AFG2A: variants seen among roughly 807,000 people sequenced by gnomAD.
AFG2A encodes ATPase family gene 2 protein homolog A.
At chr4:123,032,209 C>T in the AFG2A span, among the ~76,000 whole-genome samples, 1 of 152,128 alleles carries the variant, frequency 6.6e-6, no homozygotes, top group African/African-American at 2.4e-5. Context: ...CTTCTCTATA[C>T]TTGTCTCAGA....
the AFG2A span, among the ~76,000 whole-genome samples, chr4:123,132,343 GT>G: frequency 6.6e-6 from 1 of 152,016 alleles, no homozygotes; most frequent in African/African-American, 2.4e-5. Flanking sequence ...GAGTTCAGCT[GT>G]TTTTTAGATT....
chr4:123,189,882 A>G, the AFG2A span, among the ~76,000 whole-genome samples: 1 of 129,588 alleles, frequency 7.7e-6, no homozygotes, highest in South Asian at 2.3e-4. Flanking sequence ...TGGCAAGATC[A>G]TGGCTCACTG....
At chr4:122,950,030 G>A in the AFG2A span, among the ~76,000 whole-genome samples, 1 of 152,204 alleles carries the variant, frequency 6.6e-6, no homozygotes, top group South Asian at 2.1e-4. Flanking sequence ...CCAGGTTGGG[G>A]GCAAAGGTCT....
chr4:123,180,624 T>G, the AFG2A span, among the ~76,000 whole-genome samples: 3 of 152,186 alleles, frequency 2.0e-5, no homozygotes, highest in African/African-American at 7.2e-5. Flanking sequence ...TTGACATGAT[T>G]CTAAATCAGA....
chr4:123,143,966 A>G, the AFG2A span, among the ~76,000 whole-genome samples: 1 of 151,676 alleles, frequency 6.6e-6, no homozygotes, highest in Non-Finnish European at 1.5e-5. Flanking sequence ...TAATGTTTTC[A>G]TCGTAATGCT....
At chr4:123,269,857 G>A in the AFG2A span, among the ~76,000 whole-genome samples, 3 of 152,124 alleles carry the variant, frequency 2.0e-5, no homozygotes, top group African/African-American at 7.2e-5. Flanking sequence ...TCGCTCTGTC[G>A]CCAAGCTGGA....
chr4:123,033,160 G>A, the AFG2A span, among the ~76,000 whole-genome samples: 2 of 152,130 alleles, frequency 1.3e-5, no homozygotes. Flanking sequence ...ATGGGAAGCT[G>A]CATAGCTCTT....
At chr4:123,148,989 G>A in the AFG2A span, among the ~76,000 whole-genome samples, 1 of 151,176 alleles carries the variant, frequency 6.6e-6, no homozygotes, top group Non-Finnish European at 1.5e-5. Context: ...GGCTGGTCTC[G>A]AATTCCTGAC....
chr4:123,113,479 G>C, the AFG2A span, among the ~76,000 whole-genome samples: 1 of 151,848 alleles, frequency 6.6e-6, no homozygotes, highest in Non-Finnish European at 1.5e-5. Context: ...GTATGCTGCA[G>C]CGTCATATCC....
At chr4:123,012,631 C>T in the AFG2A span, among the ~76,000 whole-genome samples, 307 of 152,260 alleles carry the variant, frequency 2.0e-3, 1 homozygote, top group East Asian at 3.1e-3. Context: ...CTGTGACCGG[C>T]GCTGGAGTTT....
chr4:123,185,439 A>T, the AFG2A span, among the ~76,000 whole-genome samples: 1 of 152,042 alleles, frequency 6.6e-6, no homozygotes, highest in Non-Finnish European at 1.5e-5. Context: ...ACTCTGTGAG[A>T]GTCTAAGTAT....
chr4:123,021,660 T>C, the AFG2A span, among the ~76,000 whole-genome samples: 1 of 152,278 alleles, frequency 6.6e-6, no homozygotes, highest in African/African-American at 2.4e-5. Flanking sequence ...CATTTTCTTA[T>C]ATTTCTTCCT....
chr4:123,192,332 G>A, the AFG2A span, among the ~76,000 whole-genome samples: 5 of 152,086 alleles, frequency 3.3e-5, no homozygotes, highest in Non-Finnish European at 5.9e-5. Flanking sequence ...TGCTAAAATC[G>A]TATTTTATTT....
chr4:123,055,753 T>A, the AFG2A span, among the ~76,000 whole-genome samples: 3 of 152,212 alleles, frequency 2.0e-5, no homozygotes, highest in Non-Finnish European at 4.4e-5. Context: ...CACATGTCTC[T>A]TGTTCTTCGG....
At chr4:123,078,388 G>A in the AFG2A span, among the ~76,000 whole-genome samples, 1 of 152,094 alleles carries the variant, frequency 6.6e-6, no homozygotes, top group East Asian at 1.9e-4. Context: ...TAGTATTAGC[G>A]TGTTTGTGAA....
At chr4:123,222,674 G>A in the AFG2A span, among the ~76,000 whole-genome samples, 2 of 152,128 alleles carry the variant, frequency 1.3e-5, no homozygotes, top group South Asian at 2.1e-4. Flanking sequence ...CATTATGCCT[G>A]TTGATTAGTA....
the AFG2A span, among the ~76,000 whole-genome samples, chr4:123,008,257 T>C: frequency 6.6e-6 from 1 of 152,156 alleles, no homozygotes; most frequent in African/African-American, 2.4e-5. Context: ...GATGCCAGGC[T>C]CTTTTCAGTC....
chr4:123,294,637 T>C, the AFG2A span, among the ~76,000 whole-genome samples: 7 of 152,214 alleles, frequency 4.6e-5, no homozygotes, highest in African/African-American at 1.4e-4. Context: ...CACTATACTC[T>C]GAAACACTGA....
the AFG2A span, among the ~76,000 whole-genome samples, chr4:123,205,411 C>T: frequency 1.2e-4 from 18 of 151,220 alleles, no homozygotes; most frequent in African/African-American, 4.4e-4. Flanking sequence ...GTTTCAAATC[C>T]GTGGATTCAA....
Sources: gnomAD v4.1 joint callset for allele counts (sites outside exome capture counted in the v4.1 genomes callset) on GRCh38, gnomAD v4.1.1 for gene constraint, MANE v1.5 for transcripts, NCBI Gene and HGNC (gene_info 2026-07-23, HGNC 2026-07-21) for gene names.